PARP12: variants seen among roughly 807,000 people sequenced by gnomAD.
PARP12 encodes the protein poly(ADP-ribose) polymerase family member 12, also known as protein mono-ADP-ribosyltransferase PARP12.
A neutral mutation model predicts 72.4 loss-of-function variants in PARP12; 59 were observed. The ratio of observed to expected loss-of-function variants is 0.81; its 90% CI spans 0.66 to 1.01. PARP12 has a LOEUF of 1.01. PARP12 is among the 50% of genes least tolerant of loss of function. The pLI, the probability that PARP12 is intolerant of heterozygous loss-of-function variation, is 0.00. For missense variants in PARP12, 851 were observed against 914.0 expected (o/e 0.93, Z 0.89); for synonymous variants, 403 against 371.4 (o/e 1.09, Z -0.98).
At position 140,062,861 on chromosome 7, in the gene PARP12, G is replaced by C; in HGVS notation, c.-14C>G. The stretch of plus-strand genomic sequence containing the variant: ...GGCCTGGGCCATGGCCGCTGGGCCT[G>C]CTCCCGTCGGACCGCGGGTGGCGCG... On this transcript the variant is annotated 5_prime_UTR_variant, in exon 1 of 12. Coordinates refer to ENST00000263549, the MANE Select transcript of PARP12 (RefSeq NM_022750.4). 1.6e-6 allele frequency: 2 copies of C among 1,279,750 alleles called. No homozygotes were observed. The highest frequency in any genetic ancestry group is 3.3e-5 in the East Asian group (1 of 29,904). 79.3% of individuals were successfully genotyped at this position (1,279,750 alleles called of 1,614,324 possible). A position where few individuals can be genotyped will look rare whatever the true frequency, so the allele number is the denominator to read the frequency against.
chr7:140,048,802 C>T (rs1307622644), intron 4 of PARP12, among the ~76,000 whole-genome samples: 1 of 152,086 alleles, frequency 6.6e-6, no homozygotes, highest in Non-Finnish European at 1.5e-5. Context: ...GCCATGCTAG[C>T]GTGCCTGTGT....
At chr7:140,060,311 G>C (rs960523644) in intron 1 of PARP12, among the ~76,000 whole-genome samples, 2 of 152,174 alleles carry the variant, frequency 1.3e-5, no homozygotes, top group Non-Finnish European at 2.9e-5. Context: ...AGAGGACTAA[G>C]AGTCAGGCAC....
chr7:140,033,408 C>G, intron 8 of PARP12: 3 of 985,374 alleles, frequency 3.0e-6, no homozygotes, highest in Admixed American at 6.1e-5. Flanking sequence ...CAAGCCAGAC[C>G]TCTCAGGCGA....
chr7:140,033,654 C>T (rs74993559), intron 8 of PARP12: 13,291 of 985,392 alleles, frequency 0.013, 210 homozygotes, highest in East Asian at 0.11. Flanking sequence ...GTACAAAGCA[C>T]AAGAATTTCC....
chr7:140,054,356 T>C (rs1158350123), intron 4 of PARP12, among the ~76,000 whole-genome samples: 3 of 152,222 alleles, frequency 2.0e-5, no homozygotes, highest in African/African-American at 7.2e-5. Flanking sequence ...AGCAGTTCCC[T>C]GTCCTGTGCA....
At position 140,055,932 on chromosome 7, in the gene PARP12, T is replaced by C. The variant is rs147454244; in HGVS notation, c.760+924A>G. On this transcript the variant is annotated intron_variant, in intron 3 of 11. Transcript: ENST00000263549. The stretch of plus-strand genomic sequence containing the variant: ...CATTCTAGGAAGTGCTCTATTAAAA[T>C]TGTAGCCACCACTACAGCTGAGAGG... 1.6e-3 allele frequency among the ~76,000 whole-genome samples: 238 copies of C among 152,362 alleles called. 1 individual carries two copies. The highest frequency in any genetic ancestry group is 3.0e-3 in the Non-Finnish European group (207 of 68,030).
At chr7:140,037,541 C>T (rs550974063) in intron 7 of PARP12, among the ~76,000 whole-genome samples, 174 bp downstream of exon 7, 2 of 152,350 alleles carry the variant, frequency 1.3e-5, no homozygotes, top group South Asian at 4.1e-4. Context: ...TCTTCCTCCA[C>T]TGCACAGGGC....
intron 6 of PARP12, among the ~76,000 whole-genome samples, chr7:140,039,074 C>T (rs984386439): frequency 3.3e-5 from 5 of 152,130 alleles, no homozygotes; most frequent in African/African-American, 9.7e-5. Context: ...CCATAAGGGG[C>T]GGGTGTAAGA....
chr7:140,053,172 G>T (rs560393468), intron 4 of PARP12, among the ~76,000 whole-genome samples: 1 of 152,210 alleles, frequency 6.6e-6, no homozygotes, highest in South Asian at 2.1e-4. Context: ...ATTTGTAAAA[G>T]CCAAAAACTG....
Position 140,041,756 on chromosome 7 carries a change from C to T in PARP12, c.1070G>A (p.Arg357His), listed in dbSNP as rs763866008. The T allele has an allele frequency of 3.1e-6, 5 of 1,613,896 alleles. No homozygotes were observed. Among genetic ancestry groups the T allele is most frequent in the East Asian group, 2.2e-5 (1 of 44,896 alleles). Reference sequence around the variant, plus strand: ...GACAGAGGAGGCCGTGGAGAGGCGGCGAGCCTGGGTAGCACCGTAAGTCAT... The same window carrying T: ...GACAGAGGAGGCCGTGGAGAGGCGGTGAGCCTGGGTAGCACCGTAAGTCAT... Reference protein sequence around the residue: ...NAMTYGATQARRLSTASSVTK... With the variant: ...NAMTYGATQAHRLSTASSVTK... Residue 357 changes from arginine to histidine, a missense_variant, in exon 6 of 12, where the codon CGC becomes CAC. By Grantham distance (29) the Arg-to-His change is conservative (BLOSUM62 0). Transcript: ENST00000263549.
intron 4 of PARP12, among the ~76,000 whole-genome samples, chr7:140,050,372 A>G (rs117354698): frequency 1.3e-4 from 20 of 152,288 alleles, no homozygotes; most frequent in East Asian, 1.2e-3. Context: ...GTGTGAATAT[A>G]AGGGTTAGAG....
chr7:140,041,076 T>G (rs891115231), intron 6 of PARP12, among the ~76,000 whole-genome samples: 1 of 152,206 alleles, frequency 6.6e-6, no homozygotes, highest in Non-Finnish European at 1.5e-5. Context: ...CCTAAACTTG[T>G]ATTTCTATAA....
intron 4 of PARP12, among the ~76,000 whole-genome samples, chr7:140,054,027 A>G (rs1376542731): frequency 6.6e-6 from 1 of 152,230 alleles, no homozygotes; most frequent in Non-Finnish European, 1.5e-5. Flanking sequence ...AAATGAAACA[A>G]GAAGTTTGGT....
chr7:140,047,993 G>A (rs185635038), intron 4 of PARP12, among the ~76,000 whole-genome samples: 11 of 152,236 alleles, frequency 7.2e-5, no homozygotes, highest in Admixed American at 3.9e-4. Flanking sequence ...CTGATTATGC[G>A]AAGGTCAAAG....
intron 8 of PARP12, among the ~76,000 whole-genome samples, chr7:140,031,913 T>C (rs1815952686): frequency 6.6e-6 from 1 of 152,080 alleles, no homozygotes. Context: ...ATAAGAGATA[T>C]ATATTTATGG....
At chr7:140,060,843 C>A (rs62491365) in intron 1 of PARP12, among the ~76,000 whole-genome samples, 1 of 152,190 alleles carries the variant, frequency 6.6e-6, no homozygotes, top group Non-Finnish European at 1.5e-5. Context: ...ATCTGATCCA[C>A]TCCTGGGGCT....
At chr7:140,047,946 A>G (rs1816802072) in intron 4 of PARP12, among the ~76,000 whole-genome samples, 1 of 152,168 alleles carries the variant, frequency 6.6e-6, no homozygotes, top group Admixed American at 6.5e-5. Context: ...TTGATGGTTT[A>G]TATCATCTAT....
chr7:140,042,562 C>A (rs958174267), intron 5 of PARP12, among the ~76,000 whole-genome samples: 1 of 152,200 alleles, frequency 6.6e-6, no homozygotes, highest in Admixed American at 6.5e-5. Context: ...AAGCAGGAAA[C>A]AAATGTAGGG....
Position 140,062,543 on chromosome 7 carries a change from G to T in PARP12, c.305C>A (p.Ala102Asp). ...TTACCCGGCTCTCAGGAACTTGCAGGCGCCGTAGACCATGAACCTGCAGAG... is the reference window on the plus strand; with the variant it reads ...TTACCCGGCTCTCAGGAACTTGCAGTCGCCGTAGACCATGAACCTGCAGAG... ...LHLCRFMVYG[A>D]CKFLRAGKNC... The change falls in exon 1 of 12, where the codon GCC (alanine) becomes GAC (aspartate). Residue 102 changes from alanine (A) to aspartate (D), a missense_variant. By Grantham distance (126) the Ala-to-Asp change is moderately radical. This residue lies in a region of PARP12 where 492 missense variants were observed against 489.3 expected (regional missense o/e 1.01). Coordinates refer to ENST00000263549, the MANE Select transcript of PARP12 (RefSeq NM_022750.4). The T allele has an allele frequency of 6.4e-7, 1 of 1,555,426 alleles. No individual in the cohort carries two copies. Among genetic ancestry groups the T allele is most frequent in the East Asian group, 2.4e-5 (1 of 41,890 alleles).
Sources: gnomAD v4.1 joint callset for allele counts (sites outside exome capture counted in the v4.1 genomes callset) on GRCh38, gnomAD v4.1.1 for gene constraint, gnomAD v4.1.1 regional missense constraint, MANE v1.5 for transcripts, NCBI Gene and HGNC (gene_info 2026-07-23, HGNC 2026-07-21) for gene names.